Variants in TTYH2 observed in about 807,000 individuals in gnomAD.
TTYH2 encodes the protein tweety family member 2.
A neutral mutation model predicts 68.3 loss-of-function variants in TTYH2; 49 were observed. The observed-to-expected ratio is 0.72, with a 90% CI of 0.57 to 0.91. The LOEUF is 0.91. Ranked by LOEUF, TTYH2 falls within the 40% of genes least tolerant of loss-of-function variation. The probability of loss-of-function intolerance (pLI) is 0.00; values close to 1 mark genes in which losing one functional copy is unlikely to be tolerated. For missense variants in TTYH2, 631 were observed against 700.4 expected (o/e 0.90, Z 1.12); for synonymous variants, 272 against 300.8 (o/e 0.90, Z 0.99).
intron 6 of TTYH2, chr17:74,248,301 G>A: frequency 2.0e-6 from 2 of 985,860 alleles, no homozygotes; most frequent in Non-Finnish European, 2.4e-6. Flanking sequence ...TGGAGGCCAT[G>A]TCCTTGCTGC....
chr17:74,234,665 G>A (rs1199721711), intron 3 of TTYH2, among the ~76,000 whole-genome samples: 1 of 152,130 alleles, frequency 6.6e-6, no homozygotes, highest in Non-Finnish European at 1.5e-5. Context: ...TTCCCCCTAA[G>A]GAGGAGTTTA....
intron 11 of TTYH2, 53 bp downstream of exon 11, chr17:74,252,429 G>A: frequency 6.3e-7 from 1 of 1,588,742 alleles, no homozygotes. Context: ...TTCTGGGAGA[G>A]CAGCAGACAG....
At chr17:74,242,674 T>G (rs1339655878) in intron 4 of TTYH2, among the ~76,000 whole-genome samples, 2 of 152,232 alleles carry the variant, frequency 1.3e-5, no homozygotes, top group Non-Finnish European at 2.9e-5. Context: ...ATTACAGGCG[T>G]GAGCCACTGC....
At chr17:74,219,595 C>T (rs989509985) in intron 1 of TTYH2, among the ~76,000 whole-genome samples, 3 of 152,146 alleles carry the variant, frequency 2.0e-5, no homozygotes, top group South Asian at 4.2e-4. Flanking sequence ...AGCAATGATT[C>T]GGTGATTCAC....
intron 3 of TTYH2, 97 bp downstream of exon 3, chr17:74,231,096 C>A: frequency 8.8e-7 from 1 of 1,142,782 alleles, no homozygotes; most frequent in Non-Finnish European, 1.3e-6. Flanking sequence ...AGCTCAGCTG[C>A]ACACGGAGGG....
chr17:74,245,053 A>G (rs4789047), intron 6 of TTYH2, among the ~76,000 whole-genome samples: 70,068 of 152,016 alleles, frequency 0.46, 18,027 homozygotes, highest in African/African-American at 0.71. Flanking sequence ...TGGCTTGTAC[A>G]AGAAGCTCCC....
Position 74,227,758 on chromosome 17 carries a change from T to G in TTYH2, c.303-3130T>G, listed in dbSNP as rs554543522. 6.1e-4 allele frequency among the ~76,000 whole-genome samples: 87 copies of G among 143,684 alleles called. 1 individual carries two copies. Among genetic ancestry groups the G allele is most frequent in the African/African-American group, 2.4e-3 (82 of 33,682 alleles). The allele number at this position is 143,684 out of a possible 152,430, so 94.3% of individuals were successfully genotyped here. A position where few individuals can be genotyped will look rare whatever the true frequency, so the allele number is the denominator to read the frequency against. ...AGCATGCAGGAACCTTGTTTTTTTT[T>G]TTGTTTTTTTTTTAATGTCTCCTGC... On this transcript the variant is annotated intron_variant, in intron 2 of 13. Transcript: ENST00000269346.
intron 13 of TTYH2, among the ~76,000 whole-genome samples, chr17:74,254,085 A>AGG (rs2050668131): frequency 6.6e-6 from 1 of 152,208 alleles, no homozygotes; most frequent in Non-Finnish European, 1.5e-5. Context: ...ATCCAGCAAG[A>AGG]GGACTTGACG....
At chr17:74,227,983 C>CTTTTTTTTTT (rs35080135) in intron 2 of TTYH2, among the ~76,000 whole-genome samples, 1,605 of 112,366 alleles carry the variant, frequency 0.014, 176 homozygotes, top group African/African-American at 0.06. Flanking sequence ...TCTTTTCTTT[C>CTTTTTTTTTT]TTTTTTTTTT....
chr17:74,254,845 T>G (rs1221826131), intron 13 of TTYH2, among the ~76,000 whole-genome samples: 1 of 152,222 alleles, frequency 6.6e-6, no homozygotes, highest in Non-Finnish European at 1.5e-5. Flanking sequence ...TGGTCTCTTT[T>G]GGGCTGGACG....
At chr17:74,218,746 A>T (rs949560673) in intron 1 of TTYH2, among the ~76,000 whole-genome samples, 6 of 152,168 alleles carry the variant, frequency 3.9e-5, no homozygotes, top group South Asian at 2.1e-4. Flanking sequence ...CCACAGCCTG[A>T]TCCTTCTCGG....
intron 4 of TTYH2, among the ~76,000 whole-genome samples, chr17:74,237,789 C>G (rs1018707485): frequency 2.0e-5 from 3 of 152,050 alleles, no homozygotes; most frequent in Non-Finnish European, 2.9e-5. Context: ...TGCCGCCACG[C>G]CAGACTAATT....
At position 74,241,703 on chromosome 17, in the gene TTYH2, A is replaced by G. The variant is rs2050502854; in HGVS notation, c.636-1671A>G. ...GCAGAAAACCATTGCTGGAGAGGAG[A>G]GGTCAGCGACTTTACTTGGCTCTTG... On this transcript the variant is annotated intron_variant, in intron 4 of 13. Transcript: ENST00000269346. This position sits in a 1 kb window ranked among gnomAD's most constrained non-coding sequence, Gnocchi z 4.1. Among the ~76,000 whole-genome samples the G allele has an allele frequency of 6.6e-6, 1 of 152,168 alleles. No homozygotes were observed. The highest frequency in any genetic ancestry group is 1.5e-5 in the Non-Finnish European group (1 of 68,044).
rs111287638 is a variant in TTYH2 at position 74,222,788 on chromosome 17, C to CTT, written c.302+143_302+144dup. 10,205 of 933,024 alleles carry CTT rather than the reference C, an allele frequency of 0.011. 14 individuals carry two copies. Among genetic ancestry groups the CTT allele is most frequent in the Non-Finnish European group, 0.013 (8,695 of 678,230 alleles). 57.8% of individuals were successfully genotyped at this position (933,024 alleles called of 1,614,324 possible). ...GCTTGTCCCCAGATGAATGTTGTCC[C>CTT]TTTTTTTTTTTTTACCAAGCATCAG... On this transcript the variant is annotated intron_variant, in intron 2 of 13. Coordinates refer to ENST00000269346, the MANE Select transcript of TTYH2 (RefSeq NM_032646.6). This position sits in a 1 kb window ranked among gnomAD's most constrained non-coding sequence, Gnocchi z 5.2.
chr17:74,218,232 C>T lies in TTYH2; in HGVS notation c.130-4253C>T, dbSNP rs575636488. ...TCTTTTCCCTCCTCCTTCCTCCTCC[C>T]TTGCCCACCTTCCCTCTTCTTTCTT... On this transcript the variant is annotated intron_variant, in intron 1 of 13. Coordinates refer to ENST00000269346, the MANE Select transcript of TTYH2 (RefSeq NM_032646.6). Among the ~76,000 whole-genome samples, 4 of 152,248 alleles carry T rather than the reference C, an allele frequency of 2.6e-5. No homozygotes were observed. In the South Asian group the frequency reaches 8.3e-4, roughly 32 times the overall value.
At chr17:74,228,146 G>C (rs2050351159) in intron 2 of TTYH2, among the ~76,000 whole-genome samples, 2 of 152,024 alleles carry the variant, frequency 1.3e-5, no homozygotes, top group African/African-American at 4.8e-5. Context: ...ACCACGCCCA[G>C]CTAATTTTTG....
In TTYH2 at chr17:74,250,305, A is replaced by C; in HGVS notation, c.1064A>C (p.Glu355Ala). 1 of 1,613,760 alleles carries C rather than the reference A, an allele frequency of 6.2e-7. No homozygotes were observed. The highest frequency in any genetic ancestry group is 8.5e-7 in the Non-Finnish European group (1 of 1,179,868). ...LAIQLLLNSSESSLHQLTAMV... is the reference protein window; with the variant it reads ...LAIQLLLNSSASSLHQLTAMV... ...ATCCAGCTCCTGCTGAACTCCTCAGAGTCCAGCCTTCACCAGCTGACCGCC... is the reference window on the plus strand; with the variant it reads ...ATCCAGCTCCTGCTGAACTCCTCAGCGTCCAGCCTTCACCAGCTGACCGCC... Residue 355 changes from glutamate to alanine, a missense_variant, in exon 10 of 14, where the codon GAG (glutamate) becomes GCG (alanine). Physicochemically the swap from Glu to Ala is moderately radical, Grantham distance 107. Transcript: ENST00000269346.
chr17:74,218,531 CA>C (rs549417385), intron 1 of TTYH2, among the ~76,000 whole-genome samples: 7,893 of 128,144 alleles, frequency 0.062, 505 homozygotes, highest in African/African-American at 0.18. Context: ...AAAAGGAAAT[CA>C]AAAAAAAAAA....
intron 4 of TTYH2, among the ~76,000 whole-genome samples, chr17:74,242,629 G>A (rs1220838113): frequency 6.6e-6 from 1 of 152,210 alleles, no homozygotes; most frequent in Non-Finnish European, 1.5e-5. Context: ...CTGGCCTCAA[G>A]TGATCTGCCC....
Sources: allele counts gnomAD v4.1 joint callset (sites outside exome capture counted in the v4.1 genomes callset), GRCh38; gene constraint gnomAD v4.1.1; non-coding constraint Gnocchi (gnomAD v3.1); transcripts MANE v1.5; gene names NCBI Gene and HGNC (gene_info 2026-07-23, HGNC 2026-07-21).